SLC17A6: variants seen among roughly 807,000 people sequenced by gnomAD.
SLC17A6 encodes solute carrier family 17 member 6.
Under a neutral mutation model 67.1 loss-of-function variants are expected in SLC17A6, and 35 were observed. The observed-to-expected ratio is 0.52, with a 90% confidence interval of 0.40 to 0.69. The LOEUF is 0.69. SLC17A6 is among the 30% of genes least tolerant of loss of function. The pLI is 0.00. For synonymous variants in SLC17A6, 285 were observed against 252.3 expected (o/e 1.13, Z -1.23); for missense variants, 588 against 723.9 (o/e 0.81, Z 2.15).
chr11:22,343,155 T>C, intron 2 of SLC17A6, 92 bp from the exon 3 acceptor site: 1 of 1,049,562 alleles, frequency 9.5e-7, no homozygotes, highest in Admixed American at 1.9e-5. Flanking sequence ...CGCCCAAGCC[T>C]TGGGGGCTTT....
intron 2 of SLC17A6, 78 bp downstream of exon 2, chr11:22,341,858 C>A: frequency 6.6e-7 from 1 of 1,520,058 alleles, no homozygotes; most frequent in South Asian, 1.3e-5. Context: ...GTTTGAGCCC[C>A]GTTCCCCCGC....
chr11:22,352,910 T>A (rs138948976), intron 3 of SLC17A6, among the ~76,000 whole-genome samples: 14 of 152,318 alleles, frequency 9.2e-5, no homozygotes, highest in African/African-American at 3.1e-4. Flanking sequence ...GCTGATGCAT[T>A]TCAATCAATT....
chr11:22,348,654 A>G (rs145261473), intron 3 of SLC17A6, among the ~76,000 whole-genome samples: 625 of 152,326 alleles, frequency 4.1e-3, no homozygotes, highest in Non-Finnish European at 6.2e-3. Flanking sequence ...GAAGGGATTT[A>G]TCCTTGGGGT....
intron 3 of SLC17A6, among the ~76,000 whole-genome samples, chr11:22,344,687 C>T (rs1855855899): frequency 6.6e-6 from 1 of 152,134 alleles, no homozygotes; most frequent in South Asian, 2.1e-4. Context: ...ATATGTACCA[C>T]ATTTTATTTA....
rs1220829754 is a variant in SLC17A6 at position 22,378,754 on chromosome 11, T to C, written c.*1014T>C. On this transcript the variant is annotated 3_prime_UTR_variant, in exon 12 of 12. Transcript: ENST00000263160. ...TGAAAAGATTAACTTCATAGAGATA[T>C]TGTAAGTAGGTAATTTTATTATTTA... The C allele has an allele frequency of 6.6e-6, 1 of 152,112 alleles. No homozygotes were observed. Among genetic ancestry groups the C allele is most frequent in the African/African-American group, 2.4e-5 (1 of 41,422 alleles). The allele number at this position is 152,112 out of a possible 1,614,324, so 9.4% of individuals were successfully genotyped here. A position where few individuals can be genotyped will look rare whatever the true frequency, so the allele number is the denominator to read the frequency against.
chr11:22,358,196 A>G (rs932536372), intron 3 of SLC17A6, among the ~76,000 whole-genome samples: 1 of 152,334 alleles, frequency 6.6e-6, no homozygotes, highest in East Asian at 1.9e-4. Flanking sequence ...AAATTTGCCT[A>G]AAATATATAG....
chr11:22,377,366 G>A, intron 11 of SLC17A6, 39 bp from the exon 12 acceptor site: 1 of 1,528,066 alleles, frequency 6.5e-7, no homozygotes, highest in Non-Finnish European at 8.9e-7. Flanking sequence ...TTAAATCATG[G>A]GGAGTCAGTT....
intron 3 of SLC17A6, among the ~76,000 whole-genome samples, chr11:22,356,638 C>G (rs1217556226): frequency 6.6e-6 from 1 of 152,094 alleles, no homozygotes; most frequent in Non-Finnish European, 1.5e-5. Flanking sequence ...AGTTCAAGAC[C>G]AGCCTTGTCA....
chr11:22,345,627 G>A (rs535138848), intron 3 of SLC17A6, among the ~76,000 whole-genome samples: 18 of 152,174 alleles, frequency 1.2e-4, no homozygotes, highest in Non-Finnish European at 2.4e-4. Flanking sequence ...AATTAAAAAT[G>A]TATTGTAAAA....
At chr11:22,371,839 A>G (rs1487326070) in intron 8 of SLC17A6, among the ~76,000 whole-genome samples, 3 of 151,340 alleles carry the variant, frequency 2.0e-5, no homozygotes, top group Non-Finnish European at 4.4e-5. Flanking sequence ...AGATTAGTTT[A>G]AAAAATTCTG....
At chr11:22,370,905 A>G (rs1177403618) in intron 8 of SLC17A6, among the ~76,000 whole-genome samples, 1 of 152,130 alleles carries the variant, frequency 6.6e-6, no homozygotes, top group Non-Finnish European at 1.5e-5. Context: ...ACACAAAAAT[A>G]CTACTCTATC....
chr11:22,365,042 T>C (rs1373210526), intron 6 of SLC17A6, among the ~76,000 whole-genome samples: 1 of 152,184 alleles, frequency 6.6e-6, no homozygotes, highest in Admixed American at 6.5e-5. Flanking sequence ...CTAGGTTTTA[T>C]TTAATTGTCT....
At position 22,370,227 on chromosome 11, in the gene SLC17A6, T is replaced by A. The variant is rs375370841; in HGVS notation, c.1041+39T>A. 8.8e-5 allele frequency: 135 copies of A among 1,540,048 alleles called. No individual in the cohort carries two copies. The African/African-American group carries it at 1.5e-3, about 17-fold the overall frequency. ...ATTCTTATATAAATTGTGGATTACC[T>A]GTGTATTTAAGTGAATACTAAATTC... is the stretch of plus-strand genomic sequence containing the variant. On this transcript the variant is annotated intron_variant, in intron 8 of 11. Transcript: ENST00000263160.
chr11:22,379,212 A>G lies in SLC17A6; in HGVS notation c.*1472A>G, dbSNP rs1205310972. 6.6e-6 allele frequency: 1 copy of G among 152,540 alleles called. No individual in the cohort carries two copies. The highest frequency in any genetic ancestry group is 1.5e-5 in the Non-Finnish European group (1 of 68,002). The allele number at this position is 152,540 out of a possible 1,614,324, so 9.4% of individuals were successfully genotyped here. Reference sequence around the variant, plus strand: ...TAAAATTATGATAATACATTTCCCAATTCAACTCAAAATATTATTGGTGTA... The same window carrying G: ...TAAAATTATGATAATACATTTCCCAGTTCAACTCAAAATATTATTGGTGTA... On this transcript the variant is annotated 3_prime_UTR_variant, in exon 12 of 12. Transcript: ENST00000263160.
intron 3 of SLC17A6, among the ~76,000 whole-genome samples, chr11:22,345,584 G>A (rs1419301429): frequency 2.6e-5 from 4 of 152,066 alleles, no homozygotes; most frequent in Non-Finnish European, 4.4e-5. Flanking sequence ...TTTCATATAT[G>A]ATATGTTATG....
intron 7 of SLC17A6, among the ~76,000 whole-genome samples, chr11:22,369,347 A>C (rs1856147802): frequency 6.6e-6 from 1 of 151,946 alleles, no homozygotes; most frequent in East Asian, 1.9e-4. Context: ...GTTAATGTTG[A>C]ATGCTTTGAA....
At chr11:22,356,633 A>C (rs1240724542) in intron 3 of SLC17A6, among the ~76,000 whole-genome samples, 2 of 152,192 alleles carry the variant, frequency 1.3e-5, no homozygotes, top group Non-Finnish European at 2.9e-5. Context: ...TCAGGAGTTC[A>C]AGACCAGCCT....
chr11:22,364,466 G>A (rs139968664), intron 6 of SLC17A6, among the ~76,000 whole-genome samples: 525 of 152,110 alleles, frequency 3.5e-3, no homozygotes, highest in Middle Eastern at 6.8e-3. Context: ...ATCATATAGC[G>A]AATAAATGAC....
intron 7 of SLC17A6, among the ~76,000 whole-genome samples, chr11:22,367,005 GAA>G (rs376547104): frequency 1.0e-4 from 8 of 78,818 alleles, no homozygotes; most frequent in African/African-American, 3.5e-4. Flanking sequence ...ACTCCGTCTC[GAA>G]AAAAAAAAAA....
Sources: allele counts gnomAD v4.1 joint callset (sites outside exome capture counted in the v4.1 genomes callset), GRCh38; gene constraint gnomAD v4.1.1; transcripts MANE v1.5; gene names NCBI Gene and HGNC (gene_info 2026-07-23, HGNC 2026-07-21).